Variants in FGF12 observed in about 807,000 individuals in gnomAD.
FGF12 encodes fibroblast growth factor 12B.
In FGF12, 14 loss-of-function variants were observed where a neutral mutation model predicts 23.6. The ratio of observed to expected loss-of-function variants is 0.59; its 90% CI spans 0.39 to 0.93. FGF12 has a LOEUF of 0.93. Ranked by LOEUF, FGF12 falls within the 40% of genes least tolerant of loss-of-function variation. FGF12 has a pLI of 0.00. For missense variants in FGF12, 175 were observed against 217.8 expected, an observed-to-expected ratio of 0.80 and a Z score of 1.24; for synonymous variants, 62 against 77.3, an observed-to-expected ratio of 0.80 and a Z score of 1.04.
chr3:192,284,011 G>A (rs1714303447), intron 4 of FGF12, among the ~76,000 whole-genome samples: 1 of 152,032 alleles, frequency 6.6e-6, no homozygotes, highest in South Asian at 2.1e-4. Context: ...TCCACAGGTA[G>A]GCTCTGAGGT....
chr3:192,603,049 C>A (rs1173098142), intron 2 of FGF12, among the ~76,000 whole-genome samples: 1 of 151,988 alleles, frequency 6.6e-6, no homozygotes, highest in East Asian at 1.9e-4. Context: ...AATAATAAGA[C>A]CTTCTATGAC....
At chr3:192,342,997 G>A (rs1235870808) in intron 3 of FGF12, among the ~76,000 whole-genome samples, 1 of 151,896 alleles carries the variant, frequency 6.6e-6, no homozygotes, top group Non-Finnish European at 1.5e-5. Context: ...GAGAGGGAGA[G>A]AGGGAGAGAG....
At chr3:192,582,146 C>T (rs1021598826) in intron 2 of FGF12, among the ~76,000 whole-genome samples, 3 of 151,488 alleles carry the variant, frequency 2.0e-5, no homozygotes, top group African/African-American at 7.3e-5. Context: ...TTCAGAATTA[C>T]TAAATTATGG....
rs191313448 is a variant in FGF12 at position 192,141,003 on chromosome 3, G to A, written c.*3006C>T. The A allele has an allele frequency of 1.6e-3, 247 of 151,508 alleles. No individual in the cohort carries two copies. Among genetic ancestry groups the A allele is most frequent in the African/African-American group, 5.8e-3 (240 of 41,356 alleles). 9.4% of individuals were successfully genotyped at this position (151,508 alleles called of 1,614,324 possible). The stretch of plus-strand genomic sequence containing the variant: ...AAGTTTTGTTTTCATTCTTAAGCTC[G>A]TTGATTTTGAAACTTATTCCAATAA... On this transcript the variant is annotated 3_prime_UTR_variant, in exon 6 of 6. Coordinates refer to ENST00000445105, the MANE Select transcript of FGF12 (RefSeq NM_004113.6).
chr3:192,683,191 A>T (rs2108709784), intron 2 of FGF12, among the ~76,000 whole-genome samples: 1 of 152,312 alleles, frequency 6.6e-6, no homozygotes, highest in African/African-American at 2.4e-5. Context: ...AAAGCAGCCC[A>T]AGGAACCCGA....
chr3:192,658,163 C>T (rs1390100916), intron 2 of FGF12, among the ~76,000 whole-genome samples: 1 of 152,208 alleles, frequency 6.6e-6, no homozygotes, highest in Non-Finnish European at 1.5e-5. Context: ...AAATGTGCTA[C>T]ATAATCAATC....
chr3:192,389,342 A>T (rs1720194990), intron 2 of FGF12, among the ~76,000 whole-genome samples: 1 of 152,208 alleles, frequency 6.6e-6, no homozygotes, highest in South Asian at 2.1e-4. Flanking sequence ...CAGCCTGGCT[A>T]CAGAGTGAGA....
intron 2 of FGF12, among the ~76,000 whole-genome samples, chr3:192,506,668 G>A (rs1382304981): frequency 1.3e-5 from 2 of 152,010 alleles, no homozygotes; most frequent in African/African-American, 2.4e-5. Flanking sequence ...CACCGAGCCC[G>A]GCTAACATAG....
chr3:192,534,546 C>A (rs910954019), intron 2 of FGF12, among the ~76,000 whole-genome samples: 1 of 152,070 alleles, frequency 6.6e-6, no homozygotes, highest in Admixed American at 6.5e-5. Context: ...TAGGTGCATG[C>A]CACCACACCT....
At chr3:192,276,172 G>A (rs1713770545) in intron 4 of FGF12, among the ~76,000 whole-genome samples, 1 of 152,216 alleles carries the variant, frequency 6.6e-6, no homozygotes, top group Admixed American at 6.5e-5. Flanking sequence ...TGGCAGGAGA[G>A]CTGATTCACC....
chr3:192,627,247 A>G (rs1347737629), intron 2 of FGF12, among the ~76,000 whole-genome samples: 3 of 152,054 alleles, frequency 2.0e-5, no homozygotes, highest in Non-Finnish European at 4.4e-5. Flanking sequence ...TTTATCTTAT[A>G]TTTTGTACTT....
At chr3:192,200,615 T>C (rs553451384) in intron 4 of FGF12, among the ~76,000 whole-genome samples, 45 of 152,316 alleles carry the variant, frequency 3.0e-4, no homozygotes, top group Non-Finnish European at 5.0e-4. Flanking sequence ...GCCTCACAAG[T>C]GTAGACTGCA....
chr3:192,538,291 A>G (rs1725283979), intron 2 of FGF12, among the ~76,000 whole-genome samples: 1 of 151,686 alleles, frequency 6.6e-6, no homozygotes, highest in Non-Finnish European at 1.5e-5. Context: ...GTTTTTGTAT[A>G]TGGTTAGCTA....
intron 2 of FGF12, among the ~76,000 whole-genome samples, chr3:192,709,106 G>C (rs561621298): frequency 6.6e-6 from 1 of 152,196 alleles, no homozygotes; most frequent in South Asian, 2.1e-4. Flanking sequence ...TACTTTCAAG[G>C]CAATGTAAAC....
chr3:192,238,265 C>G (rs1407427757), intron 4 of FGF12: 2 of 152,616 alleles, frequency 1.3e-5, no homozygotes, highest in Non-Finnish European at 2.9e-5. Flanking sequence ...GGCAAAATTG[C>G]TCCAGTGGGG....
chr3:192,294,899 C>T (rs1350766562), intron 4 of FGF12, among the ~76,000 whole-genome samples: 1 of 152,230 alleles, frequency 6.6e-6, no homozygotes, highest in East Asian at 1.9e-4. Context: ...AAGAAGTCAT[C>T]AAGAGGTTTG....
Position 192,264,348 on chromosome 3 carries a change from AT to A in FGF12, c.228+71012del, listed in dbSNP as rs374955061. Among the ~76,000 whole-genome samples the A allele has an allele frequency of 2.2e-3, 337 of 152,124 alleles. 2 individuals are homozygous for A. Among genetic ancestry groups the A allele is most frequent in the African/African-American group, 5.5e-3 (230 of 41,520 alleles). ...TAATACAATTGCCTGGGTATATCAT[AT>A]TTTTTTGACGATATTGATGAACAAA... On this transcript the variant is annotated intron_variant, in intron 4 of 5. Coordinates refer to ENST00000445105, the MANE Select transcript of FGF12 (RefSeq NM_004113.6).
At chr3:192,674,768 C>T (rs1245857507) in intron 2 of FGF12, among the ~76,000 whole-genome samples, 6 of 152,144 alleles carry the variant, frequency 3.9e-5, no homozygotes, top group African/African-American at 7.2e-5. Context: ...TGGAGAAATG[C>T]TTTTTCCCAA....
intron 2 of FGF12, among the ~76,000 whole-genome samples, chr3:192,668,371 AT>A (rs1716977444): frequency 6.6e-6 from 1 of 150,724 alleles, no homozygotes; most frequent in Non-Finnish European, 1.5e-5. Context: ...AGGATTCTTA[AT>A]GGGAATATTC....
Sources: allele counts gnomAD v4.1 joint callset (sites outside exome capture counted in the v4.1 genomes callset), GRCh38; gene constraint gnomAD v4.1.1; transcripts MANE v1.5; gene names NCBI Gene and HGNC (gene_info 2026-07-23, HGNC 2026-07-21).